Variants in SLC39A12 observed in about 807,000 individuals in gnomAD.
SLC39A12 encodes solute carrier family 39 member 12, also known as zinc transporter ZIP12.
In SLC39A12, 63 loss-of-function variants were observed where a neutral mutation model predicts 71.1. That is an observed-to-expected ratio of 0.89 (90% CI 0.72 to 1.09). The LOEUF (loss-of-function observed/expected upper bound fraction) is 1.09. Among genes scored for constraint, SLC39A12 ranks in the 50% least tolerant of loss-of-function variants. SLC39A12 has a pLI of 0.00. For synonymous variants in SLC39A12, 351 were observed against 301.3 expected, an observed-to-expected ratio of 1.16 and a Z score of -1.71; for missense variants, 892 against 812.6, an observed-to-expected ratio of 1.10 and a Z score of -1.19.
chr10:17,971,387 T>C (rs1298027212), intron 4 of SLC39A12, among the ~76,000 whole-genome samples: 21 of 151,016 alleles, frequency 1.4e-4, no homozygotes, highest in Non-Finnish European at 7.4e-5. Flanking sequence ...CCTCTATTTT[T>C]TGGAATAGTT....
chr10:18,018,706 C>A (rs977444585), intron 12 of SLC39A12, among the ~76,000 whole-genome samples: 10 of 152,090 alleles, frequency 6.6e-5, no homozygotes, highest in Admixed American at 5.9e-4. Flanking sequence ...GTTGAATCAG[C>A]CTTGCATACC....
intron 11 of SLC39A12, 100 bp downstream of exon 11, chr10:18,000,925 A>T (rs1835816452): frequency 9.1e-7 from 1 of 1,094,854 alleles, no homozygotes; most frequent in Admixed American, 2.7e-5. Flanking sequence ...CCTATGACTT[A>T]AAGATGAATA....
intron 4 of SLC39A12, among the ~76,000 whole-genome samples, chr10:17,974,170 A>T (rs1169352528): frequency 6.6e-6 from 1 of 151,952 alleles, no homozygotes; most frequent in Admixed American, 6.6e-5. Context: ...TCTCTGTGTT[A>T]TCTTAAATTT....
chr10:17,987,803 C>T (rs1207857893), intron 7 of SLC39A12, 152 bp downstream of exon 7: 2 of 752,240 alleles, frequency 2.7e-6, no homozygotes, highest in East Asian at 2.7e-5. Flanking sequence ...TTCCCCAAGG[C>T]CTCTCTGCAC....
chr10:18,008,872 C>T (rs1178347968), intron 12 of SLC39A12, among the ~76,000 whole-genome samples: 5 of 152,026 alleles, frequency 3.3e-5, no homozygotes, highest in Admixed American at 1.3e-4. Flanking sequence ...TGTCTGAGAG[C>T]TGAATGTTCC....
intron 4 of SLC39A12, among the ~76,000 whole-genome samples, chr10:17,974,469 A>G (rs1835053649): frequency 6.6e-6 from 1 of 152,172 alleles, no homozygotes; most frequent in Admixed American, 6.5e-5. Context: ...CTGCTTTAGG[A>G]TACAGATCTG....
At chr10:17,998,894 G>A (rs186105432) in intron 10 of SLC39A12, among the ~76,000 whole-genome samples, 118 of 152,278 alleles carry the variant, frequency 7.7e-4, no homozygotes, top group African/African-American at 2.6e-3. Flanking sequence ...GTAACAGTTC[G>A]AAACCAGGAA....
At chr10:17,973,984 C>G (rs1273425832) in intron 4 of SLC39A12, among the ~76,000 whole-genome samples, 1 of 151,496 alleles carries the variant, frequency 6.6e-6, no homozygotes, top group Non-Finnish European at 1.5e-5. Flanking sequence ...TCCACTTGAT[C>G]AGTTCTGCTA....
At chr10:17,984,666 A>G (rs970701870) in intron 6 of SLC39A12, among the ~76,000 whole-genome samples, 4 of 152,252 alleles carry the variant, frequency 2.6e-5, no homozygotes, top group Admixed American at 2.6e-4. Context: ...CATTAGAATG[A>G]TAAAAGACAC....
At chr10:17,978,104 T>C in intron 5 of SLC39A12, 30 bp downstream of exon 5, 1 of 1,522,814 alleles carries the variant, frequency 6.6e-7, no homozygotes. Context: ...TATTCAAGCA[T>C]TTGCTACTGT....
intron 6 of SLC39A12, among the ~76,000 whole-genome samples, chr10:17,982,784 G>A (rs1045980440): frequency 1.3e-5 from 2 of 152,062 alleles, no homozygotes; most frequent in African/African-American, 4.8e-5. Flanking sequence ...TCGGAAAAGG[G>A]TTTTGAAATT....
intron 12 of SLC39A12, among the ~76,000 whole-genome samples, chr10:18,015,604 A>C (rs908137751): frequency 6.7e-6 from 1 of 150,116 alleles, no homozygotes; most frequent in Non-Finnish European, 1.5e-5. Flanking sequence ...CACTCTAGTA[A>C]CTCGAAATAT....
intron 4 of SLC39A12, among the ~76,000 whole-genome samples, chr10:17,974,764 C>T (rs567095073): frequency 2.6e-5 from 4 of 152,246 alleles, no homozygotes; most frequent in East Asian, 1.9e-4. Flanking sequence ...ACTGTAACCA[C>T]TCCCCGGCTA....
chr10:17,976,927 A>G (rs528968348), intron 4 of SLC39A12, among the ~76,000 whole-genome samples: 1 of 152,260 alleles, frequency 6.6e-6, no homozygotes, highest in African/African-American at 2.4e-5. Context: ...GACTGCTAAT[A>G]TATATACATT....
rs1834698980 is a variant in SLC39A12 at position 17,961,817 on chromosome 10, TA to T, written c.499del (p.Ile167SerfsTer28). ...TCCTTTCACAGAATGAGACAGAAGA[TA>T]TCTTGGCTTTCACCAGGCAGTACTT... ...SFLSQNETED[I>X]LAFTRQYFDT... On this transcript the variant is annotated frameshift_variant, in exon 3 of 13. Coordinates refer to ENST00000377369, the MANE Select transcript of SLC39A12 (RefSeq NM_001145195.2). LOFTEE classifies it high-confidence loss of function. The T allele has an allele frequency of 6.2e-7, 1 of 1,613,956 alleles. No individual in the cohort carries two copies. Among genetic ancestry groups the T allele is most frequent in the Admixed American group, 1.7e-5 (1 of 59,994 alleles).
At chr10:17,960,850 AAT>A (rs2130777969) in intron 2 of SLC39A12, among the ~76,000 whole-genome samples, 1 of 152,326 alleles carries the variant, frequency 6.6e-6, no homozygotes. Context: ...AAAATATCTT[AAT>A]TTTTAAAAAT....
In SLC39A12 at chr10:17,967,898, A is replaced by AAT. The variant is rs565522405; in HGVS notation, c.751+2227_751+2228dup. On this transcript the variant is annotated intron_variant, in intron 4 of 12. Coordinates refer to ENST00000377369, the MANE Select transcript of SLC39A12 (RefSeq NM_001145195.2). ...CGAGACTCCGCCTCAAAAAAAAAAA[A>AAT]ATATATATATATATATATATTTATT... 4.8e-3 allele frequency among the ~76,000 whole-genome samples: 574 copies of AAT among 119,698 alleles called. 5 individuals are homozygous for AAT. The highest frequency in any genetic ancestry group is 0.01 in the South Asian group (36 of 3,472). The allele number at this position is 119,698 out of a possible 152,430, so 78.5% of individuals were successfully genotyped here. A position where few individuals can be genotyped will look rare whatever the true frequency, so the allele number is the denominator to read the frequency against.
chr10:18,010,513 G>A (rs1049206959), intron 12 of SLC39A12: 19 of 152,046 alleles, frequency 1.2e-4, no homozygotes, highest in African/African-American at 4.3e-4. Context: ...AAGCAAGAAG[G>A]GTGAATCATT....
intron 2 of SLC39A12, among the ~76,000 whole-genome samples, chr10:17,954,092 T>A (rs1378137750): frequency 7.2e-5 from 11 of 152,156 alleles, no homozygotes; most frequent in Non-Finnish European, 1.5e-4. Flanking sequence ...TCCTGAGGCC[T>A]GAGTCACAGC....
Sources: gnomAD v4.1 joint callset for allele counts (sites outside exome capture counted in the v4.1 genomes callset) on GRCh38, gnomAD v4.1.1 for gene constraint, MANE v1.5 for transcripts, NCBI Gene and HGNC (gene_info 2026-07-23, HGNC 2026-07-21) for gene names.